Variants in VANGL1 observed in about 807,000 individuals in gnomAD.
The protein encoded by VANGL1 is vang-like protein 1.
Under a neutral mutation model 48.4 loss-of-function variants are expected in VANGL1, and 18 were observed. The ratio of observed to expected loss-of-function variants is 0.37; its 90% CI spans 0.26 to 0.55. The LOEUF (loss-of-function observed/expected upper bound fraction) is 0.55. Ranked by LOEUF, VANGL1 falls within the 20% of genes least tolerant of loss-of-function variation. The pLI is 0.81. For synonymous variants in VANGL1, 257 were observed against 261.8 expected (o/e 0.98, Z 0.18); for missense variants, 667 against 675.8 (o/e 0.99, Z 0.14).
In VANGL1 at chr1:115,694,414, C is replaced by G. The variant is rs1653959366; in HGVS notation, c.*3035C>G. On this transcript the variant is annotated 3_prime_UTR_variant, in exon 8 of 8. Coordinates refer to ENST00000355485, the MANE Select transcript of VANGL1 (RefSeq NM_138959.3). ...AGTTCATTGCCTGGGGCTTGGGACT[C>G]CTTTTTTAATGGAGAGACTAGCTGT... The G allele has an allele frequency of 6.6e-6, 1 of 152,190 alleles. No homozygotes were observed. The highest frequency in any genetic ancestry group is 1.5e-5 in the Non-Finnish European group (1 of 68,048). The allele number at this position is 152,190 out of a possible 1,614,324, so 9.4% of individuals were successfully genotyped here.
At position 115,651,306 on chromosome 1, in the gene VANGL1, T is replaced by A. The variant is rs1652132934; in HGVS notation, c.-108T>A. ...TGTTCCTGTTGAAGAGTGGCTCCTCTTCTAATTTCCAGACTCCTTGAGGTT... is the reference window on the plus strand; with the variant it reads ...TGTTCCTGTTGAAGAGTGGCTCCTCATCTAATTTCCAGACTCCTTGAGGTT... On this transcript the variant is annotated 5_prime_UTR_variant, in exon 2 of 8. Transcript: ENST00000355485. The A allele has an allele frequency of 1.1e-6, 1 of 924,464 alleles. No individual in the cohort carries two copies. The highest frequency in any genetic ancestry group is 1.7e-5 in the African/African-American group (1 of 60,552). 57.3% of individuals were successfully genotyped at this position (924,464 alleles called of 1,614,324 possible). A position where few individuals can be genotyped will look rare whatever the true frequency, so the allele number is the denominator to read the frequency against.
chr1:115,680,032 A>T (rs879555377), intron 4 of VANGL1, among the ~76,000 whole-genome samples: 5,978 of 143,746 alleles, frequency 0.042, 145 homozygotes, highest in Middle Eastern at 0.071. Flanking sequence ...TATGTGAGAG[A>T]GAGAGAGAGA....
chr1:115,682,301 T>A, intron 4 of VANGL1, 63 bp from the exon 5 acceptor site: 1 of 1,603,308 alleles, frequency 6.2e-7, no homozygotes, highest in South Asian at 1.1e-5. Flanking sequence ...AAGAGGATTT[T>A]TCGTTTAGGA....
intron 4 of VANGL1, among the ~76,000 whole-genome samples, chr1:115,681,761 C>T (rs1304155002): frequency 1.3e-5 from 2 of 152,158 alleles, no homozygotes; most frequent in Admixed American, 6.5e-5. Context: ...CCCACCTCAG[C>T]CTCCCAAAGT....
intron 3 of VANGL1, among the ~76,000 whole-genome samples, chr1:115,660,869 A>G (rs1652520552): frequency 6.6e-6 from 1 of 152,200 alleles, no homozygotes; most frequent in Non-Finnish European, 1.5e-5. Context: ...CAATGAGCAA[A>G]TGCCTTTAGT....
chr1:115,668,208 AAT>A (rs1652862551), intron 4 of VANGL1, among the ~76,000 whole-genome samples: 1 of 152,226 alleles, frequency 6.6e-6, no homozygotes, highest in African/African-American at 2.4e-5. Flanking sequence ...ACTACCTCTG[AAT>A]AGATAGTTGC....
At chr1:115,642,415 G>C (rs1651765978) in intron 1 of VANGL1, among the ~76,000 whole-genome samples, 1 of 152,058 alleles carries the variant, frequency 6.6e-6, no homozygotes, top group Non-Finnish European at 1.5e-5. Context: ...TTTCTCCCCG[G>C]GCTGGCCTTT....
intron 4 of VANGL1, among the ~76,000 whole-genome samples, chr1:115,669,148 G>A (rs1224063210): frequency 1.3e-5 from 2 of 152,086 alleles, no homozygotes; most frequent in Non-Finnish European, 2.9e-5. Flanking sequence ...GCTTTAAGGA[G>A]GTATATGAAC....
At chr1:115,687,100 A>G (rs1653663882) in intron 7 of VANGL1, among the ~76,000 whole-genome samples, 1 of 138,824 alleles carries the variant, frequency 7.2e-6, no homozygotes, top group Non-Finnish European at 1.6e-5. Context: ...AAAGCAATGT[A>G]GAAATAGTAA....
chr1:115,667,923 T>C (rs1652849070), intron 4 of VANGL1, among the ~76,000 whole-genome samples: 1 of 152,256 alleles, frequency 6.6e-6, no homozygotes, highest in East Asian at 1.9e-4. Flanking sequence ...ACTGGTTGAA[T>C]GTGAAATGGT....
At chr1:115,659,273 C>G (rs1271948039) in intron 2 of VANGL1, among the ~76,000 whole-genome samples, 1 of 151,986 alleles carries the variant, frequency 6.6e-6, no homozygotes, top group African/African-American at 2.4e-5. Flanking sequence ...CCCTAGAAAA[C>G]TGGTTAAGGC....
rs1171020870 is a variant in VANGL1 at position 115,696,244 on chromosome 1, C to A, written c.*4865C>A. 1 of 152,304 alleles carries A rather than the reference C, an allele frequency of 6.6e-6. No homozygotes were observed. Among genetic ancestry groups the A allele is most frequent in the Admixed American group, 6.5e-5 (1 of 15,278 alleles). 9.4% of individuals were successfully genotyped at this position (152,304 alleles called of 1,614,324 possible). On this transcript the variant is annotated 3_prime_UTR_variant, in exon 8 of 8. Coordinates refer to ENST00000355485, the MANE Select transcript of VANGL1 (RefSeq NM_138959.3). Reference sequence around the variant, plus strand: ...TCTCTGGTGCCATGGCAACATTATGCCCCAAACTTCTTCCCTGGTTGGAGT... The same window carrying A: ...TCTCTGGTGCCATGGCAACATTATGACCCAAACTTCTTCCCTGGTTGGAGT...
rs376811747 is a variant in VANGL1, at chr1:115,684,789, A to T, written c.1080-504A>T. Among the ~76,000 whole-genome samples the T allele has an allele frequency of 3.3e-5, 5 of 152,242 alleles. No homozygotes were observed. The South Asian group carries it at 1.0e-3, about 32-fold the overall frequency. ...AGGTCATATTCACTGAAGGGGACAG[A>T]GGTGCATTCCATCATGTGTGCTGTG... On this transcript the variant is annotated intron_variant, in intron 6 of 7. Coordinates refer to ENST00000355485, the MANE Select transcript of VANGL1 (RefSeq NM_138959.3).
intron 4 of VANGL1, among the ~76,000 whole-genome samples, chr1:115,672,193 C>T (rs1330976151): frequency 1.3e-5 from 2 of 152,184 alleles, no homozygotes; most frequent in African/African-American, 4.8e-5. Context: ...GGAGATCATT[C>T]TGTGATTCCC....
intron 3 of VANGL1, among the ~76,000 whole-genome samples, chr1:115,662,274 T>A (rs914053822): frequency 2.0e-5 from 3 of 152,244 alleles, no homozygotes; most frequent in African/African-American, 7.2e-5. Flanking sequence ...GCGATGTCTG[T>A]CTTGCTGATT....
intron 4 of VANGL1, among the ~76,000 whole-genome samples, chr1:115,670,797 A>G (rs1652946619): frequency 6.6e-6 from 1 of 152,202 alleles, no homozygotes; most frequent in Non-Finnish European, 1.5e-5. Flanking sequence ...GTACTCCTGT[A>G]ATTACTTTTT....
rs572555437 is a variant in VANGL1, at chr1:115,665,121, A to G, written c.812+853A>G. On this transcript the variant is annotated intron_variant, in intron 4 of 7. Transcript: ENST00000355485. ...CCAGGGCTGAGTGAATGCCCCCATA[A>G]TGGCATCTCTCACTTTGTGGTTAGT... Among the ~76,000 whole-genome samples the G allele has an allele frequency of 6.6e-5, 10 of 152,276 alleles. No individual in the cohort carries two copies. The East Asian group carries it at 1.9e-3, about 29-fold the overall frequency.
At chr1:115,658,716 T>G (rs1305967670) in intron 2 of VANGL1, among the ~76,000 whole-genome samples, 3 of 152,140 alleles carry the variant, frequency 2.0e-5, no homozygotes, top group Non-Finnish European at 4.4e-5. Flanking sequence ...AGGTGGGGGA[T>G]TCTGGGTTTC....
intron 7 of VANGL1, among the ~76,000 whole-genome samples, chr1:115,687,719 G>C (rs1207469360): frequency 7.6e-5 from 9 of 118,288 alleles, no homozygotes; most frequent in African/African-American, 2.7e-4. Flanking sequence ...GTGTGTGTGT[G>C]TGTGTGTGTG....
Sources: allele counts gnomAD v4.1 joint callset (sites outside exome capture counted in the v4.1 genomes callset), GRCh38; gene constraint gnomAD v4.1.1; transcripts MANE v1.5; gene names NCBI Gene and HGNC (gene_info 2026-07-23, HGNC 2026-07-21).